Variants in ENKUR observed in about 807,000 individuals in gnomAD.
ENKUR encodes the protein enkurin, TRPC channel interacting protein.
In ENKUR, 19 loss-of-function variants were observed where a neutral mutation model predicts 27.6. The observed-to-expected ratio is 0.69, with a 90% CI of 0.48 to 1.01. The LOEUF (loss-of-function observed/expected upper bound fraction) is 1.01, where lower values mean the gene tolerates loss of function less well. Ranked by LOEUF, ENKUR falls within the 50% of genes least tolerant of loss-of-function variation. The pLI, the probability that ENKUR is intolerant of heterozygous loss-of-function variation, is 0.00. For missense variants in ENKUR, 312 were observed against 310.5 expected, an observed-to-expected ratio of 1.00 and a Z score of -0.04; for synonymous variants, 117 against 96.9, an observed-to-expected ratio of 1.21 and a Z score of -1.22.
At chr10:24,997,189 C>T (rs921312034) in intron 2 of ENKUR, among the ~76,000 whole-genome samples, 1 of 151,958 alleles carries the variant, frequency 6.6e-6, no homozygotes, top group Non-Finnish European at 1.5e-5. Context: ...ATAGCCACCA[C>T]ACACTCCAGC....
At chr10:25,005,927 T>A (rs912134929) in intron 1 of ENKUR, among the ~76,000 whole-genome samples, 1 of 152,242 alleles carries the variant, frequency 6.6e-6, no homozygotes, top group Non-Finnish European at 1.5e-5. Flanking sequence ...CTGTGTAATA[T>A]AGCCACATGT....
At chr10:25,038,675 T>C (rs1304470102) in intron 2 of ENKUR, among the ~76,000 whole-genome samples, 1 of 152,234 alleles carries the variant, frequency 6.6e-6, no homozygotes, top group East Asian at 1.9e-4. Context: ...CTTCCTTTTC[T>C]GGCAATGATT....
At chr10:24,999,946 T>C (rs996632365) in intron 1 of ENKUR, among the ~76,000 whole-genome samples, 2 of 152,198 alleles carry the variant, frequency 1.3e-5, no homozygotes, top group African/African-American at 4.8e-5. Context: ...CCAATGTTCA[T>C]GTTTTCCATT....
chr10:25,027,365 A>T (rs1850874555), intron 2 of ENKUR, among the ~76,000 whole-genome samples: 1 of 137,250 alleles, frequency 7.3e-6, no homozygotes, highest in African/African-American at 2.6e-5. Flanking sequence ...CTCAAAAAAA[A>T]AAAAAAAAAA....
At chr10:25,057,756 C>T (rs1396114841) in intron 2 of ENKUR, among the ~76,000 whole-genome samples, 1 of 152,026 alleles carries the variant, frequency 6.6e-6, no homozygotes, top group African/African-American at 2.4e-5. Flanking sequence ...TCCTCTTGCC[C>T]TTTTGACCAG....
chr10:25,016,032 T>G lies in ENKUR; in HGVS notation c.-96A>C. On this transcript the variant is annotated 5_prime_UTR_variant, in exon 1 of 6. Coordinates refer to ENST00000331161, the MANE Select transcript of ENKUR (RefSeq NM_145010.4). ...TTCTTCACTGCTTCCCCTTTCTTTC[T>G]TCTTCGCCTTCTGAAGGACCACAGG... 2 of 1,492,538 alleles carry G rather than the reference T, an allele frequency of 1.3e-6. No individual in the cohort carries two copies. Among genetic ancestry groups the G allele is most frequent in the South Asian group, 1.4e-5 (1 of 69,768 alleles). The allele number at this position is 1,492,538 out of a possible 1,614,324, so 92.5% of individuals were successfully genotyped here.
At chr10:24,988,282 ATATATT>A (rs1849827074) in intron 4 of ENKUR, among the ~76,000 whole-genome samples, 1 of 145,148 alleles carries the variant, frequency 6.9e-6, no homozygotes, top group Admixed American at 7.0e-5. Context: ...ATATGTGTAT[ATATATT>A]TATATATGTA....
intron 2 of ENKUR, among the ~76,000 whole-genome samples, chr10:25,039,129 T>G (rs1455895928): frequency 6.6e-6 from 1 of 152,242 alleles, no homozygotes; most frequent in Non-Finnish European, 1.5e-5. Context: ...ACATTACAAT[T>G]TTAAGTGTCA....
At chr10:25,048,336 T>C (rs559504573) in intron 2 of ENKUR, among the ~76,000 whole-genome samples, 1 of 152,140 alleles carries the variant, frequency 6.6e-6, no homozygotes, top group South Asian at 2.1e-4. Flanking sequence ...GAATGATAGA[T>C]GATCAGAACT....
At chr10:24,988,342 ATATATT>A in intron 4 of ENKUR, among the ~76,000 whole-genome samples, 1 of 145,632 alleles carries the variant, frequency 6.9e-6, no homozygotes, top group East Asian at 2.0e-4. Context: ...ATGTGTATAT[ATATATT>A]TATATATGTG....
intron 2 of ENKUR, among the ~76,000 whole-genome samples, chr10:25,055,303 G>A (rs1187210932): frequency 4.6e-5 from 7 of 151,690 alleles, no homozygotes; most frequent in African/African-American, 1.5e-4. Context: ...GAAGAAATAA[G>A]GGGTGATTTA....
intron 2 of ENKUR, among the ~76,000 whole-genome samples, chr10:25,036,791 A>G (rs1333784528): frequency 2.0e-5 from 3 of 152,202 alleles, no homozygotes; most frequent in African/African-American, 7.2e-5. Flanking sequence ...TACCACATAG[A>G]GTATTGATCT....
rs1588641878 is a variant in ENKUR at position 24,982,545 on chromosome 10, C to T, written c.*1825G>A. ...TCAGGTGTCTACTCCCAAGTGACTG[C>T]AGTCTCCATGTCTCTTAATTCATGC... On this transcript the variant is annotated 3_prime_UTR_variant, in exon 6 of 6. Transcript: ENST00000331161. 1 of 152,328 alleles carries T rather than the reference C, an allele frequency of 6.6e-6. No individual in the cohort carries two copies. Among genetic ancestry groups the T allele is most frequent in the East Asian group, 1.9e-4 (1 of 5,184 alleles). 9.4% of individuals were successfully genotyped at this position (152,328 alleles called of 1,614,324 possible).
At chr10:24,997,561 A>C (rs570882650) in intron 2 of ENKUR, among the ~76,000 whole-genome samples, 2 of 151,794 alleles carry the variant, frequency 1.3e-5, no homozygotes, top group Non-Finnish European at 2.9e-5. Context: ...TAATTAAAAA[A>C]AATTTTTTAT....
chr10:25,026,077 C>T (rs1192941177), intron 2 of ENKUR: 1 of 154,514 alleles, frequency 6.5e-6, no homozygotes, highest in African/African-American at 2.4e-5. Context: ...TGAGGTTTCG[C>T]CATGTTTTCC....
intron 2 of ENKUR, chr10:25,025,009 A>T: frequency 6.2e-7 from 1 of 1,614,166 alleles, no homozygotes; most frequent in Non-Finnish European, 8.5e-7. Context: ...TCGATTAGAA[A>T]GTCAGCATCA....
chr10:25,053,815 A>G (rs908513038), intron 2 of ENKUR, among the ~76,000 whole-genome samples: 1 of 152,186 alleles, frequency 6.6e-6, no homozygotes, highest in South Asian at 2.1e-4. Context: ...TTATGATAAA[A>G]TATTTAAGAC....
chr10:25,034,340 G>A (rs1850977328), intron 2 of ENKUR, among the ~76,000 whole-genome samples: 1 of 151,954 alleles, frequency 6.6e-6, no homozygotes, highest in Admixed American at 6.6e-5. Context: ...TACCCTATGG[G>A]TTTTAGAAAA....
intron 2 of ENKUR, among the ~76,000 whole-genome samples, chr10:24,996,976 C>G (rs74984178): frequency 0.013 from 2,045 of 152,268 alleles, 25 homozygotes; most frequent in Non-Finnish European, 0.019. Context: ...AATTTGAACA[C>G]AGACATACAT....
Sources: gnomAD v4.1 joint callset for allele counts (sites outside exome capture counted in the v4.1 genomes callset) on GRCh38, gnomAD v4.1.1 for gene constraint, MANE v1.5 for transcripts, NCBI Gene and HGNC (gene_info 2026-07-23, HGNC 2026-07-21) for gene names.